The following IKBKB variants were observed in gnomAD, a reference collection of about 807,000 sequenced individuals.
The protein encoded by IKBKB is inhibitor of nuclear factor kappa B kinase subunit beta.
A neutral mutation model predicts 113.6 loss-of-function variants in IKBKB; 42 were observed. That is an observed-to-expected ratio of 0.37 (90% CI 0.29 to 0.48). IKBKB has a LOEUF of 0.48. Among genes scored for constraint, IKBKB ranks in the 20% least tolerant of loss-of-function variants. IKBKB has a pLI of 0.99. For missense variants in IKBKB, 673 were observed against 939.7 expected, an observed-to-expected ratio of 0.72 and a Z score of 3.71; for synonymous variants, 296 against 361.3, an observed-to-expected ratio of 0.82 and a Z score of 2.05.
intron 2 of IKBKB, among the ~76,000 whole-genome samples, chr8:42,287,404 GA>G (rs1057371722): frequency 6.6e-6 from 1 of 152,276 alleles, no homozygotes; most frequent in African/African-American, 2.4e-5. Context: ...CATGTGCACT[GA>G]AGGAATTACC....
At chr8:42,319,731 G>A in intron 15 of IKBKB, 85 bp downstream of exon 15, 2 of 1,111,164 alleles carry the variant, frequency 1.8e-6, no homozygotes, top group Non-Finnish European at 1.3e-6. Context: ...CAAACACTGG[G>A]TCGATCTCTG....
rs142345190 is a variant in IKBKB, at chr8:42,280,378, G to A, written c.105+8173G>A. 9.6e-3 allele frequency among the ~76,000 whole-genome samples: 1,468 copies of A among 152,194 alleles called. 7 individuals are homozygous for A. The highest frequency in any genetic ancestry group is 0.016 in the Non-Finnish European group (1,075 of 68,004). On this transcript the variant is annotated intron_variant, in intron 2 of 21. Transcript: ENST00000520810. ...TCAGCACAAACCACTTCCCAGTACCGTTTAGATAGGCTGATATTTTCAATG... is the reference window on the plus strand; with the variant it reads ...TCAGCACAAACCACTTCCCAGTACCATTTAGATAGGCTGATATTTTCAATG...
In IKBKB at chr8:42,319,734, G is replaced by A. The variant is rs549187712; in HGVS notation, c.1578+88G>A. On this transcript the variant is annotated intron_variant, in intron 15 of 21. Transcript: ENST00000520810. ...TCACTTTCTCATCAAACACTGGGTC[G>A]ATCTCTGTCAAAAATCAGGTGTTCC... is the stretch of plus-strand genomic sequence containing the variant. The A allele has an allele frequency of 1.5e-4, 163 of 1,113,754 alleles. No individual in the cohort carries two copies. The South Asian group carries it at 2.2e-3, about 15-fold the overall frequency. 69.0% of individuals were successfully genotyped at this position (1,113,754 alleles called of 1,614,324 possible).
In IKBKB at chr8:42,317,089, T is replaced by C. The variant is rs1585764869; in HGVS notation, c.1125+185T>C. The C allele has an allele frequency of 7.4e-6, 5 of 676,164 alleles. No homozygotes were observed. In the East Asian group the frequency reaches 1.4e-4, roughly 19 times the overall value. The allele number at this position is 676,164 out of a possible 1,614,324, so 41.9% of individuals were successfully genotyped here. A position where few individuals can be genotyped will look rare whatever the true frequency, so the allele number is the denominator to read the frequency against. On this transcript the variant is annotated intron_variant, in intron 11 of 21. Coordinates refer to ENST00000520810, the MANE Select transcript of IKBKB (RefSeq NM_001556.3). The stretch of plus-strand genomic sequence containing the variant: ...TGTGGCCTGATAGGAAACACAAATC[T>C]CCTTGCTGGACTTGTTACTTCCAAA...
At chr8:42,271,692 G>A (rs886663943) in intron 1 of IKBKB, 4 of 525,420 alleles carry the variant, frequency 7.6e-6, no homozygotes, top group Non-Finnish European at 1.3e-5. Context: ...GCGATTTATG[G>A]GAACATTGTA....
intron 8 of IKBKB, chr8:42,309,495 C>G: frequency 2.4e-6 from 1 of 419,594 alleles, no homozygotes. Context: ...TGGCTCACTC[C>G]TGTAATCCCA....
rs1205793780 is a variant in IKBKB at position 42,322,433 on chromosome 8, CTG to C, written c.1927_1928del (p.Val643CysfsTer20). On this transcript the variant is annotated frameshift_variant, in exon 19 of 22. Transcript: ENST00000520810. LOFTEE classifies it high-confidence loss of function. ...AGCTTAATGAATGAGGATGAGAAGA[CTG>C]TTGTCCGGCTGCAGGAGAAGCGGCA... 1.2e-6 allele frequency: 2 copies of C among 1,613,870 alleles called. No individual in the cohort carries two copies. Among genetic ancestry groups the C allele is most frequent in the African/African-American group, 2.7e-5 (2 of 74,852 alleles).
chr8:42,272,247 C>T lies in IKBKB; in HGVS notation c.105+42C>T, dbSNP rs375088977. The T allele has an allele frequency of 2.3e-5, 37 of 1,613,184 alleles. No homozygotes were observed. The African/African-American group carries it at 4.5e-4, about 20-fold the overall frequency. On this transcript the variant is annotated intron_variant, in intron 2 of 21. Transcript: ENST00000520810. ...GCTTGGGGAGGGGCGGGGAGCCAGG[C>T]CCCCTCCTCACTGCCTCCACTTTCT...
intron 2 of IKBKB, among the ~76,000 whole-genome samples, chr8:42,273,707 C>T (rs1808311183): frequency 6.6e-6 from 1 of 151,830 alleles, no homozygotes; most frequent in South Asian, 2.1e-4. Context: ...GACCTGGCCT[C>T]AGCTGAGGTT....
chr8:42,276,338 G>A (rs999502509), intron 2 of IKBKB, among the ~76,000 whole-genome samples: 1 of 152,196 alleles, frequency 6.6e-6, no homozygotes, highest in Non-Finnish European at 1.5e-5. Flanking sequence ...TTTGTCTGAT[G>A]ATTAGTGATA....
chr8:42,311,116 CAT>C (rs1278690554), intron 8 of IKBKB, among the ~76,000 whole-genome samples: 1 of 152,350 alleles, frequency 6.6e-6, no homozygotes, highest in Non-Finnish European at 1.5e-5. Flanking sequence ...CCAGGAAGGT[CAT>C]ATAAATACAC....
chr8:42,328,102 G>T lies in IKBKB; in HGVS notation c.2115-1022G>T. Reference sequence around the variant, plus strand: ...TGGGATTACAGGCGTGAGCCACCGCGCCCGGCCAATTTTGTATTTTTATTA... The same window carrying T: ...TGGGATTACAGGCGTGAGCCACCGCTCCCGGCCAATTTTGTATTTTTATTA... On this transcript the variant is annotated intron_variant, in intron 20 of 21. Coordinates refer to ENST00000520810, the MANE Select transcript of IKBKB (RefSeq NM_001556.3). 1.6e-5 allele frequency among the ~76,000 whole-genome samples: 2 copies of T among 121,362 alleles called. 1 individual carries two copies. The highest frequency in any genetic ancestry group is 5.1e-4 in the East Asian group (2 of 3,906). 79.6% of individuals were successfully genotyped at this position (121,362 alleles called of 152,430 possible).
intron 5 of IKBKB, among the ~76,000 whole-genome samples, chr8:42,296,969 G>T (rs532936167): frequency 6.6e-6 from 1 of 152,252 alleles, no homozygotes; most frequent in South Asian, 2.1e-4. Flanking sequence ...TTTCCTTCCC[G>T]CTCTGGATTT....
chr8:42,306,449 G>T lies in IKBKB; in HGVS notation c.567+17G>T. ...CAGTACCTGGTAAGAAGTGGGCCTT[G>T]CCTGTTTGCCTGTCAGCTCCTCCCT... is the stretch of plus-strand genomic sequence containing the variant. On this transcript the variant is annotated intron_variant, in intron 7 of 21. Coordinates refer to ENST00000520810, the MANE Select transcript of IKBKB (RefSeq NM_001556.3). 1 of 1,529,218 alleles carries T rather than the reference G, an allele frequency of 6.5e-7. No homozygotes were observed. The highest frequency in any genetic ancestry group is 9.1e-7 in the Non-Finnish European group (1 of 1,102,640). 94.7% of individuals were successfully genotyped at this position (1,529,218 alleles called of 1,614,324 possible). A position where few individuals can be genotyped will look rare whatever the true frequency, so the allele number is the denominator to read the frequency against.
At chr8:42,291,500 A>G (rs559581401) in intron 4 of IKBKB, among the ~76,000 whole-genome samples, 6 of 152,176 alleles carry the variant, frequency 3.9e-5, no homozygotes, top group Non-Finnish European at 2.9e-5. Context: ...TTTTATTTTA[A>G]TTGAAAAAGA....
At chr8:42,301,482 C>G (rs1307077279) in intron 5 of IKBKB, among the ~76,000 whole-genome samples, 1 of 152,184 alleles carries the variant, frequency 6.6e-6, no homozygotes, top group Non-Finnish European at 1.5e-5. Flanking sequence ...TGATACTGAA[C>G]CAAGCTTTTT....
At chr8:42,293,566 C>T (rs1293436331) in intron 5 of IKBKB, 54 bp downstream of exon 5, 2 of 1,613,694 alleles carry the variant, frequency 1.2e-6, no homozygotes, top group Non-Finnish European at 1.7e-6. Context: ...GTGTGGTGCC[C>T]CTGTGAGTCC....
intron 8 of IKBKB, 119 bp downstream of exon 8, chr8:42,309,144 C>A (rs181236182): frequency 9.3e-6 from 11 of 1,177,538 alleles, no homozygotes; most frequent in African/African-American, 4.6e-5. Flanking sequence ...GTTTCTCTTC[C>A]GAGAGGAAGG....
chr8:42,320,629 G>T (rs1358020561), intron 15 of IKBKB, 106 bp from the exon 16 acceptor site: 18 of 880,712 alleles, frequency 2.0e-5, no homozygotes, highest in Non-Finnish European at 3.2e-5. Context: ...GTCCATTGAG[G>T]GTCCTCAGGG....
Sources: gnomAD v4.1 joint callset for allele counts (sites outside exome capture counted in the v4.1 genomes callset) on GRCh38, gnomAD v4.1.1 for gene constraint, MANE v1.5 for transcripts, NCBI Gene and HGNC (gene_info 2026-07-23, HGNC 2026-07-21) for gene names.